Variants in CD82 observed in about 807,000 individuals in gnomAD.
CD82 encodes CD82 antigen.
CD82 carries 36 observed loss-of-function variants against 37.4 expected under a neutral mutation model. The observed-to-expected ratio is 0.96, with a 90% CI of 0.74 to 1.27. The LOEUF (loss-of-function observed/expected upper bound fraction) is 1.27. Among genes scored for constraint, CD82 ranks in the 50% most tolerant of loss-of-function variants. CD82 has a pLI of 0.00. For missense variants in CD82, 340 were observed against 347.0 expected (o/e 0.98, Z 0.16); for synonymous variants, 158 against 137.4 (o/e 1.15, Z -1.05).
At chr11:44,601,523 G>A (rs748140792) in intron 4 of CD82, among the ~76,000 whole-genome samples, 23 of 152,144 alleles carry the variant, frequency 1.5e-4, no homozygotes, top group Admixed American at 2.0e-4. Flanking sequence ...CAACCCAGCA[G>A]GCACTGCACC....
At chr11:44,570,940 C>A (rs1291347942) in intron 1 of CD82, among the ~76,000 whole-genome samples, 1 of 152,156 alleles carries the variant, frequency 6.6e-6, no homozygotes, top group East Asian at 1.9e-4. Flanking sequence ...TCCATGCAGA[C>A]CCCCAGGTGG....
intron 4 of CD82, among the ~76,000 whole-genome samples, chr11:44,603,998 T>A (rs948657184): frequency 2.0e-5 from 3 of 152,216 alleles, no homozygotes; most frequent in African/African-American, 4.8e-5. Flanking sequence ...TTCTTACAGA[T>A]CTTTGCTTGG....
At position 44,605,174 on chromosome 11, in the gene CD82, C is replaced by T. The variant is rs1035508117; in HGVS notation, c.253C>T (p.Leu85=). 23 of 1,613,970 alleles carry T rather than the reference C, an allele frequency of 1.4e-5. No individual in the cohort carries two copies. Among genetic ancestry groups the T allele is most frequent in the Middle Eastern group, 1.7e-4 (1 of 6,056 alleles). Residue 85 remains leucine (L), a synonymous_variant, in exon 5 of 10, where the codon CTG becomes TTG. Transcript: ENST00000227155. The part of the protein sequence containing the change: ...IGAVNEVRCL[L]GLYFAFLLLI... ...CGCCGTCAACGAGGTCCGCTGCCTG[C>T]TGGGGCTGGTGAGTACGGATCCCTC...
chr11:44,612,650 T>TTTTTTTTGGTG (rs1853501587), intron 6 of CD82, among the ~76,000 whole-genome samples: 1 of 143,314 alleles, frequency 7.0e-6, no homozygotes, highest in African/African-American at 2.6e-5. Flanking sequence ...TTTTTTTTTT[T>TTTTTTTTGGTG]GAGATGGAGT....
At chr11:44,615,824 G>A (rs1398394229) in intron 7 of CD82, among the ~76,000 whole-genome samples, 2 of 152,230 alleles carry the variant, frequency 1.3e-5, no homozygotes, top group African/African-American at 4.8e-5. Context: ...GGTTTCGCCA[G>A]TATGTGCACA....
At chr11:44,608,678 C>A (rs928429375) in intron 6 of CD82, among the ~76,000 whole-genome samples, 2 of 152,270 alleles carry the variant, frequency 1.3e-5, no homozygotes, top group African/African-American at 4.8e-5. Flanking sequence ...GCATTTGCAA[C>A]TAATTTGGTG....
intron 1 of CD82, chr11:44,585,022 C>G: frequency 2.9e-6 from 1 of 349,026 alleles, no homozygotes; most frequent in Non-Finnish European, 5.7e-6. Flanking sequence ...ATCGGATGCC[C>G]AACTCACCAA....
intron 4 of CD82, 63 bp from the exon 5 acceptor site, chr11:44,604,995 A>G (rs1853367329): frequency 6.2e-7 from 1 of 1,609,950 alleles, no homozygotes; most frequent in Non-Finnish European, 8.5e-7. Context: ...GAAGACCTGG[A>G]CGGTTAGGCC....
At position 44,605,513 on chromosome 11, in the gene CD82, C is replaced by A. The variant is rs148409437; in HGVS notation, c.336+84C>A. ...TGAGTGTGGGGGATGGACAAGGAACCCCCCCAGTTGTCACAGACAGATCCA... is the reference window on the plus strand; with the variant it reads ...TGAGTGTGGGGGATGGACAAGGAACACCCCCAGTTGTCACAGACAGATCCA... On this transcript the variant is annotated intron_variant, in intron 6 of 9. Transcript: ENST00000227155. 1.6e-5 allele frequency: 20 copies of A among 1,286,324 alleles called. No homozygotes were observed. In the African/African-American group the frequency reaches 1.9e-4, roughly 12 times the overall value. 79.7% of individuals were successfully genotyped at this position (1,286,324 alleles called of 1,614,324 possible). A position where few individuals can be genotyped will look rare whatever the true frequency, so the allele number is the denominator to read the frequency against.
In CD82 at chr11:44,618,321, A is replaced by T. The variant is rs1341366279; in HGVS notation, c.598A>T (p.Thr200Ser). Residue 200 changes from threonine to serine, a missense_variant, in exon 8 of 10, where the codon ACC becomes TCC. Physicochemically the swap from Thr to Ser is moderately conservative, Grantham distance 58 (BLOSUM62 1). Transcript: ENST00000227155. ...CTTCTGCGAGGCCCCCGGCAACAGG[A>T]CCCAGAGTGGCAACCACCCTGAGGA... ...KGFCEAPGNR[T>S]QSGNHPEDWP... is the part of the protein sequence containing the mutation. 1.8e-5 allele frequency: 29 copies of T among 1,613,592 alleles called. No homozygotes were observed. The highest frequency in any genetic ancestry group is 2.4e-5 in the Non-Finnish European group (28 of 1,179,982).
intron 1 of CD82, among the ~76,000 whole-genome samples, chr11:44,579,168 A>G (rs35300609): frequency 0.043 from 6,427 of 150,162 alleles, 159 homozygotes; most frequent in Middle Eastern, 0.076. Flanking sequence ...CAGTGCCGCC[A>G]CTCCTAGAAT....
At chr11:44,590,582 G>A (rs1204704335) in intron 2 of CD82, among the ~76,000 whole-genome samples, 2 of 109,572 alleles carry the variant, frequency 1.8e-5, no homozygotes, top group Non-Finnish European at 3.4e-5. Flanking sequence ...CTGCCCTCCA[G>A]CCTGGGCAAC....
In CD82 at chr11:44,594,932, G is replaced by C. The variant is rs1055198737; in HGVS notation, c.63+207G>C. On this transcript the variant is annotated intron_variant, in intron 3 of 9. Coordinates refer to ENST00000227155, the MANE Select transcript of CD82 (RefSeq NM_002231.4). ...CCAGCTGGTCCTTTGACCAAGCACTGGATTCCTGACCCGGCCTTCCCCTCT... is the reference window on the plus strand; with the variant it reads ...CCAGCTGGTCCTTTGACCAAGCACTCGATTCCTGACCCGGCCTTCCCCTCT... 1.9e-5 allele frequency: 11 copies of C among 585,424 alleles called. No individual in the cohort carries two copies. In the African/African-American group the frequency reaches 2.0e-4, roughly 11 times the overall value. 36.3% of individuals were successfully genotyped at this position (585,424 alleles called of 1,614,324 possible).
chr11:44,586,482 G>A (rs58488161), intron 1 of CD82, among the ~76,000 whole-genome samples: 20,770 of 152,160 alleles, frequency 0.14, 1,569 homozygotes, highest in South Asian at 0.21. Flanking sequence ...GGGCAATAAA[G>A]TGAGACCCCA....
intron 2 of CD82, among the ~76,000 whole-genome samples, chr11:44,593,207 C>T (rs1014513454): frequency 2.6e-5 from 4 of 152,138 alleles, no homozygotes; most frequent in Admixed American, 6.5e-5. Flanking sequence ...TGTGTGTAGC[C>T]GGGGAAATTG....
At chr11:44,576,677 C>T (rs927324941) in intron 1 of CD82, among the ~76,000 whole-genome samples, 2 of 152,252 alleles carry the variant, frequency 1.3e-5, no homozygotes, top group African/African-American at 2.4e-5. Flanking sequence ...GGGGGCAAGT[C>T]ACTGCCCAGT....
At chr11:44,600,624 T>C (rs1853294124) in intron 4 of CD82, among the ~76,000 whole-genome samples, 1 of 152,222 alleles carries the variant, frequency 6.6e-6, no homozygotes, top group Admixed American at 6.5e-5. Context: ...AGTCAGGGGC[T>C]GATGAGGCAC....
chr11:44,580,410 C>G (rs77333613), intron 1 of CD82, among the ~76,000 whole-genome samples: 1,663 of 152,224 alleles, frequency 0.011, 13 homozygotes, highest in Non-Finnish European at 0.017. Context: ...AACTGAGGCT[C>G]GGAAAAGTTA....
At chr11:44,595,623 G>T (rs959023349) in intron 3 of CD82, among the ~76,000 whole-genome samples, 2 of 152,080 alleles carry the variant, frequency 1.3e-5, no homozygotes, top group African/African-American at 4.8e-5. Context: ...TTAATGTTGG[G>T]ATTCTTGGGA....
Sources: allele counts gnomAD v4.1 joint callset (sites outside exome capture counted in the v4.1 genomes callset), GRCh38; gene constraint gnomAD v4.1.1; transcripts MANE v1.5; gene names NCBI Gene and HGNC (gene_info 2026-07-23, HGNC 2026-07-21).